The following PI4KB variants were observed in gnomAD, a reference collection of about 807,000 sequenced individuals.
PI4KB encodes phosphatidylinositol 4-kinase beta, also known as PtdIns 4-kinase beta.
PI4KB carries 23 observed loss-of-function variants against 81.4 expected under a neutral mutation model. The observed-to-expected ratio is 0.28, with a 90% confidence interval of 0.20 to 0.40. PI4KB has a LOEUF of 0.40. Ranked by LOEUF, PI4KB falls within the 10% of genes least tolerant of loss-of-function variation. The pLI, the probability that PI4KB is intolerant of heterozygous loss-of-function variation, is 1.00. For missense variants in PI4KB, 651 were observed against 1,036.6 expected, an observed-to-expected ratio of 0.63 and a Z score of 5.11; for synonymous variants, 381 against 406.8, an observed-to-expected ratio of 0.94 and a Z score of 0.76.
In PI4KB at chr1:151,300,371, T is replaced by C. The variant is rs1330701101; in HGVS notation, c.1750-1298A>G. On this transcript the variant is annotated intron_variant, in intron 8 of 11. Transcript: ENST00000368873. The stretch of plus-strand genomic sequence containing the variant: ...CCTGTAATTCCAGCACTTTGGGAGG[T>C]GGAGGTGGGCGGATCACCTGAGGTC... Among the ~76,000 whole-genome samples the C allele has an allele frequency of 2.5e-4, 38 of 151,858 alleles. 1 individual carries two copies. Among genetic ancestry groups the C allele is most frequent in the Admixed American group, 2.5e-3 (38 of 15,216 alleles).
intron 5 of PI4KB, among the ~76,000 whole-genome samples, chr1:151,304,283 T>C (rs1466683046): frequency 1.3e-5 from 2 of 152,150 alleles, no homozygotes; most frequent in Admixed American, 1.3e-4. Context: ...ATTTCTGCAA[T>C]TGGACTATAA....
intron 6 of PI4KB, among the ~76,000 whole-genome samples, chr1:151,302,783 T>C (rs1168938389): frequency 4.6e-5 from 7 of 150,780 alleles, no homozygotes; most frequent in Non-Finnish European, 7.4e-5. Context: ...TGGGGTTTCA[T>C]CGTGTTAGCC....
chr1:151,312,487 A>T (rs1381464666), intron 2 of PI4KB, among the ~76,000 whole-genome samples: 1 of 152,226 alleles, frequency 6.6e-6, no homozygotes, highest in Non-Finnish European at 1.5e-5. Context: ...GTCACAAACT[A>T]AACAGTTCCA....
At chr1:151,296,211 C>T (rs1357834899) in intron 9 of PI4KB, among the ~76,000 whole-genome samples, 1 of 152,152 alleles carries the variant, frequency 6.6e-6, no homozygotes, top group African/African-American at 2.4e-5. Flanking sequence ...CACGCCACTG[C>T]ACTCCAGCCT....
In PI4KB at chr1:151,315,578, C is replaced by T. The variant is rs749763030; in HGVS notation, c.904G>A (p.Asp302Asn). ...GGCCCTCCCCAGAATTTTACCTCAT[C>T]CTCATTCTCCACTTTAGGGTTGCTG... ...TASNPKVENE[D>N]EELSSSTESI... The change falls in exon 2 of 12, where the codon GAT (aspartate) becomes AAT (asparagine). Residue 302 changes from aspartate to asparagine, a missense_variant. By Grantham distance (23) the Asp-to-Asn change is conservative (BLOSUM62 1). Around this residue, in one of 5 missense-constraint regions of PI4KB, gnomAD observed 314 missense variants for 397.8 expected, o/e 0.79. Transcript: ENST00000368873. 3.1e-6 allele frequency: 5 copies of T among 1,612,988 alleles called. No homozygotes were observed. The African/African-American group carries it at 6.7e-5, about 22-fold the overall frequency.
At chr1:151,307,989 G>C (rs921357549) in intron 3 of PI4KB, among the ~76,000 whole-genome samples, 188 bp from the exon 4 acceptor site, 1 of 152,184 alleles carries the variant, frequency 6.6e-6, no homozygotes, top group Admixed American at 6.5e-5. Flanking sequence ...AGAATAGCCA[G>C]CACATTCCTT....
rs779424162 is a variant in PI4KB, at chr1:151,315,910, C to G, written c.572G>C (p.Gly191Ala). ...GACTATGTAGGGCTTAATGGCATCA[C>G]CCACGTCCTCATCCATGTGGATGTA... ...NMYIHMDEDV[G>A]DAIKPYIVHR... The change falls in exon 2 of 12, where the codon GGT becomes GCT. Residue 191 changes from glycine (G) to alanine (A), a missense_variant. Gly to Ala is a moderately conservative substitution (Grantham distance 60). Around this residue, in one of 5 missense-constraint regions of PI4KB, gnomAD observed 314 missense variants for 397.8 expected, o/e 0.79. Coordinates refer to ENST00000368873, the MANE Select transcript of PI4KB (RefSeq NM_001369623.2). 1 of 1,614,000 alleles carries G rather than the reference C, an allele frequency of 6.2e-7. No homozygotes were observed. The highest frequency in any genetic ancestry group is 8.5e-7 in the Non-Finnish European group (1 of 1,179,936).
rs1470997870 is a variant in PI4KB at position 151,294,419 on chromosome 1, T to G, written c.2138A>C (p.Glu713Ala). The change falls in exon 10 of 12, where the codon GAG becomes GCG. Residue 713 changes from glutamate (E) to alanine (A), a missense_variant. By Grantham distance (107) the Glu-to-Ala change is moderately radical (BLOSUM62 -1). Transcript: ENST00000368873. The part of the protein sequence containing the change: ...FETSAFKLTT[E>A]FVDVMGGLDG... Reference sequence around the variant, plus strand: ...TCCTTCTTGACTCACATCCACAAACTCTGTGGTCAGCTTAAAGGCTGACGT... The same window carrying G: ...TCCTTCTTGACTCACATCCACAAACGCTGTGGTCAGCTTAAAGGCTGACGT... 1.9e-6 allele frequency: 3 copies of G among 1,612,552 alleles called. No homozygotes were observed. The highest frequency in any genetic ancestry group is 1.7e-5 in the Admixed American group (1 of 59,822).
At chr1:151,298,697 C>A in intron 9 of PI4KB, 111 bp downstream of exon 9, 1 of 1,167,040 alleles carries the variant, frequency 8.6e-7, no homozygotes, top group South Asian at 1.4e-5. Context: ...TACATTGTTT[C>A]ATTTTTCACA....
intron 1 of PI4KB, among the ~76,000 whole-genome samples, chr1:151,316,865 C>T (rs939677714): frequency 2.0e-5 from 3 of 152,216 alleles, no homozygotes; most frequent in Non-Finnish European, 4.4e-5. Context: ...CTCTGTCACC[C>T]AGGCTGGAGT....
At chr1:151,306,045 G>A in intron 5 of PI4KB, 91 bp downstream of exon 5, 1 of 1,039,988 alleles carries the variant, frequency 9.6e-7, no homozygotes, top group Non-Finnish European at 1.5e-6. Flanking sequence ...GCCTTACCCT[G>A]CCTTGGGATA....
At position 151,310,260 on chromosome 1, in the gene PI4KB, G is replaced by A; in HGVS notation, c.910-5C>T. 1 of 1,290,678 alleles carries A rather than the reference G, an allele frequency of 7.7e-7. No homozygotes were observed. Among genetic ancestry groups the A allele is most frequent in the East Asian group, 3.6e-5 (1 of 28,164 alleles). 80.0% of individuals were successfully genotyped at this position (1,290,678 alleles called of 1,614,324 possible). On this transcript the variant is annotated splice_polypyrimidine_tract_variant and splice_region_variant and intron_variant, in intron 2 of 11. Coordinates refer to ENST00000368873, the MANE Select transcript of PI4KB (RefSeq NM_001369623.2). The stretch of plus-strand genomic sequence containing the variant: ...CTCGGTGCTGGAGGAGAGCTCCTGG[G>A]AAAGGGCCAGAGGGCAAAGGGAGAA...
intron 6 of PI4KB, among the ~76,000 whole-genome samples, chr1:151,303,093 G>A (rs1431278933): frequency 2.0e-5 from 3 of 149,150 alleles, no homozygotes; most frequent in African/African-American, 7.5e-5. Context: ...CCGCCTCCCG[G>A]GTTCACGTCA....
intron 2 of PI4KB, among the ~76,000 whole-genome samples, chr1:151,314,508 C>T (rs769411924): frequency 2.6e-5 from 4 of 152,206 alleles, no homozygotes; most frequent in Non-Finnish European, 4.4e-5. Flanking sequence ...CTAAGTTATA[C>T]CTCCAACTGC....
chr1:151,302,433 A>T, intron 6 of PI4KB, 135 bp from the exon 7 acceptor site: 1 of 638,700 alleles, frequency 1.6e-6, no homozygotes, highest in Non-Finnish European at 2.8e-6. Flanking sequence ...AAAGGGACTC[A>T]TGGAAGAAAA....
intron 5 of PI4KB, among the ~76,000 whole-genome samples, chr1:151,304,971 AG>A (rs1695637238): frequency 6.6e-6 from 1 of 152,040 alleles, no homozygotes. Context: ...CTGGGATTAC[AG>A]GCACATGCCA....
intron 9 of PI4KB, among the ~76,000 whole-genome samples, chr1:151,297,135 T>C (rs1316972857): frequency 6.6e-6 from 1 of 152,150 alleles, no homozygotes. Context: ...AGTTGTTTTG[T>C]TTTGTTTAGA....
chr1:151,322,422 C>A (rs982968272), intron 1 of PI4KB, among the ~76,000 whole-genome samples: 4 of 152,154 alleles, frequency 2.6e-5, no homozygotes, highest in African/African-American at 9.7e-5. Context: ...TCAAAAGATT[C>A]CAGGCAAACA....
chr1:151,327,614 C>T (rs1268801453), upstream of PI4KB: 2 of 383,038 alleles, frequency 5.2e-6, no homozygotes, highest in Non-Finnish European at 9.2e-6. Flanking sequence ...ATACGCTTTC[C>T]TGCTTCCCCA....
Sources: allele counts gnomAD v4.1 joint callset (sites outside exome capture counted in the v4.1 genomes callset), GRCh38; gene constraint gnomAD v4.1.1; regional missense constraint gnomAD v4.1.1; transcripts MANE v1.5; gene names NCBI Gene and HGNC (gene_info 2026-07-23, HGNC 2026-07-21).